The following GRHL1 variants were observed in gnomAD, a reference collection of about 807,000 sequenced individuals.
GRHL1 encodes the protein grainyhead like transcription factor 1, also known as grainyhead-like protein 1 homolog.
GRHL1 carries 38 observed loss-of-function variants against 75.7 expected under a neutral mutation model. That is an observed-to-expected ratio of 0.50 (90% confidence interval 0.39 to 0.66). GRHL1 has a LOEUF of 0.66. Ranked by LOEUF, GRHL1 falls within the 30% of genes least tolerant of loss-of-function variation. The pLI is 0.00. For synonymous variants in GRHL1, 266 were observed against 279.4 expected (o/e 0.95, Z 0.48); for missense variants, 589 against 767.5 (o/e 0.77, Z 2.75).
intron 14 of GRHL1, among the ~76,000 whole-genome samples, chr2:9,997,545 G>A (rs548768930): frequency 6.6e-6 from 1 of 152,218 alleles, no homozygotes; most frequent in East Asian, 1.9e-4. Flanking sequence ...AAACTGGCCA[G>A]GTGCGGTGGC....
chr2:9,960,910 G>T, intron 3 of GRHL1, 136 bp from the exon 4 acceptor site: 3 of 622,590 alleles, frequency 4.8e-6, no homozygotes, highest in Non-Finnish European at 8.3e-6. Context: ...TCTAGTAATG[G>T]GTAGTTTTGA....
In GRHL1 at chr2:9,968,908, C is replaced by CT. The variant is rs1667596136; in HGVS notation, c.1110+3527_1110+3528insT. On this transcript the variant is annotated intron_variant, in intron 8 of 15. Transcript: ENST00000324907. This position sits in a 1 kb window ranked among gnomAD's most constrained non-coding sequence, Gnocchi z 4.7. Reference sequence around the variant, plus strand: ...AGGTAGATAGTGGCATAAGTGTCCCCATTTGTGGGGACAGCCTGAGATCTT... The same window carrying CT: ...AGGTAGATAGTGGCATAAGTGTCCCCTATTTGTGGGGACAGCCTGAGATCTT... Among the ~76,000 whole-genome samples the CT allele has an allele frequency of 6.6e-6, 1 of 152,206 alleles. No homozygotes were observed. The highest frequency in any genetic ancestry group is 6.5e-5 in the Admixed American group (1 of 15,280).
chr2:9,971,843 C>T (rs187233638), intron 8 of GRHL1, among the ~76,000 whole-genome samples: 7 of 152,302 alleles, frequency 4.6e-5, no homozygotes, highest in East Asian at 1.9e-4. Flanking sequence ...TTTGCTTTGA[C>T]GAAGCTGCTG....
Position 9,961,266 on chromosome 2 carries a change from G to T in GRHL1, c.499G>T (p.Ala167Ser). ...IKTETQPHGF[A>S]VGIPPAVYHP... ...GACAGAAACCCAGCCACATGGCTTC[G>T]CTGTGGGAATCCCCCCAGCAGTGTA... Residue 167 changes from alanine to serine, a missense_variant, in exon 4 of 16, where the codon GCT (alanine) becomes TCT (serine). Physicochemically the swap from Ala to Ser is moderately conservative, Grantham distance 99. This residue lies in a region of GRHL1 where 362 missense variants were observed against 461.8 expected (regional missense o/e 0.78). Coordinates refer to ENST00000324907, the MANE Select transcript of GRHL1 (RefSeq NM_198182.3). 2 of 1,614,146 alleles carry T rather than the reference G, an allele frequency of 1.2e-6. No homozygotes were observed. The highest frequency in any genetic ancestry group is 1.7e-6 in the Non-Finnish European group (2 of 1,180,036).
chr2:9,974,824 T>C (rs1667881088), intron 8 of GRHL1, among the ~76,000 whole-genome samples: 1 of 152,194 alleles, frequency 6.6e-6, no homozygotes, highest in Non-Finnish European at 1.5e-5. Flanking sequence ...ATGTAAGCAC[T>C]GCAGAGGAAT....
chr2:9,973,004 T>C (rs1667797010), intron 8 of GRHL1, among the ~76,000 whole-genome samples: 1 of 152,182 alleles, frequency 6.6e-6, no homozygotes, highest in African/African-American at 2.4e-5. Flanking sequence ...GACTCGTCTT[T>C]GTTTTTCTTC....
chr2:9,955,326 T>A (rs1666967228), intron 2 of GRHL1, among the ~76,000 whole-genome samples: 1 of 152,244 alleles, frequency 6.6e-6, no homozygotes, highest in Non-Finnish European at 1.5e-5. Context: ...CTGCTGTGGC[T>A]CTATCCAGAA....
At chr2:9,965,064 G>A in intron 7 of GRHL1, 1 of 440,748 alleles carries the variant, frequency 2.3e-6, no homozygotes, top group Non-Finnish European at 4.0e-6. Context: ...TCCTAATTGT[G>A]ACATAATGAG....
At chr2:9,989,768 G>A (rs973611556) in intron 9 of GRHL1, among the ~76,000 whole-genome samples, 10 of 152,060 alleles carry the variant, frequency 6.6e-5, no homozygotes, top group Non-Finnish European at 1.5e-4. Context: ...CAGGCTGGTC[G>A]TGAACTCCTG....
intron 8 of GRHL1, among the ~76,000 whole-genome samples, chr2:9,977,407 G>A (rs894802048): frequency 6.6e-6 from 1 of 152,138 alleles, no homozygotes; most frequent in Non-Finnish European, 1.5e-5. Context: ...TGCAACCTCC[G>A]CCTCCGGGGA....
intron 5 of GRHL1, among the ~76,000 whole-genome samples, chr2:9,963,086 T>A (rs1340540493): frequency 6.6e-6 from 1 of 152,238 alleles, no homozygotes; most frequent in Non-Finnish European, 1.5e-5. Context: ...TTTACAGTTT[T>A]AAAAGTGTCT....
At position 10,000,814 on chromosome 2, in the gene GRHL1, A is replaced by G. The variant is rs1219401272; in HGVS notation, c.*107A>G. On this transcript the variant is annotated 3_prime_UTR_variant, in exon 16 of 16. Transcript: ENST00000324907. ...TCAGCCATGTCGCCAGCACAGGTCT[A>G]TGTCGAGGGAATGGGTTCCTTGCAG... 42 of 622,378 alleles carry G rather than the reference A, an allele frequency of 6.7e-5. No individual in the cohort carries two copies. The highest frequency in any genetic ancestry group is 6.0e-4 in the Admixed American group (22 of 36,804). 38.6% of individuals were successfully genotyped at this position (622,378 alleles called of 1,614,324 possible).
chr2:9,961,395 G>T lies in GRHL1; in HGVS notation c.628G>T (p.Asp210Tyr), dbSNP rs753310015. ...CCCAAATGCTCAAAGGCGAACTCCA[G>T]ACTCGACCTTCTCAGAGACCTTCAA... ...QAPNAQRRTP[D>Y]STFSETFKEG... The change falls in exon 4 of 16, where the codon GAC (aspartate) becomes TAC (tyrosine). Residue 210 changes from aspartate (D) to tyrosine (Y), a missense_variant. By Grantham distance (160) the Asp-to-Tyr change is radical (BLOSUM62 -3). Coordinates refer to ENST00000324907, the MANE Select transcript of GRHL1 (RefSeq NM_198182.3). 1.9e-6 allele frequency: 3 copies of T among 1,613,816 alleles called. No homozygotes were observed. The highest frequency in any genetic ancestry group is 8.5e-7 in the Non-Finnish European group (1 of 1,179,682).
intron 9 of GRHL1, among the ~76,000 whole-genome samples, chr2:9,988,083 C>T (rs148918761): frequency 2.6e-5 from 4 of 152,176 alleles, no homozygotes; most frequent in African/African-American, 9.6e-5. Context: ...ATGATGTTTA[C>T]TCTTTGTGTG....
In GRHL1 at chr2:9,992,005, A is replaced by C; in HGVS notation, c.1322-2A>C. The C allele has an allele frequency of 1.3e-6, 2 of 1,534,630 alleles. No individual in the cohort carries two copies. Among genetic ancestry groups the C allele is most frequent in the Admixed American group, 2.2e-5 (1 of 45,984 alleles). Reference sequence around the variant, plus strand: ...CTCTTTTTTAATTTTTTTTTTTTTCAGTTTCTGATGTTAAAGTGCCACTGC... The same window carrying C: ...CTCTTTTTTAATTTTTTTTTTTTTCCGTTTCTGATGTTAAAGTGCCACTGC... On this transcript the variant is annotated splice_acceptor_variant, in intron 10 of 15. Coordinates refer to ENST00000324907, the MANE Select transcript of GRHL1 (RefSeq NM_198182.3). LOFTEE classifies it high-confidence loss of function. The surrounding 1 kb of genome is among the most constrained non-coding windows in gnomAD (Gnocchi z 4.6).
rs1010788554 is a variant in GRHL1, at chr2:10,001,749, ATGCAC to A, written c.*1044_*1048del. ...CTTTTGTTATGCTAGTATCAGTCAG[ATGCAC>A]TTAGAGTGAAGAAACACTGTAATTA... On this transcript the variant is annotated 3_prime_UTR_variant, in exon 16 of 16. Transcript: ENST00000324907. 2 of 152,276 alleles carry A rather than the reference ATGCAC, an allele frequency of 1.3e-5. No individual in the cohort carries two copies. The highest frequency in any genetic ancestry group is 4.8e-5 in the African/African-American group (2 of 41,466). 9.4% of individuals were successfully genotyped at this position (152,276 alleles called of 1,614,324 possible). A position where few individuals can be genotyped will look rare whatever the true frequency, so the allele number is the denominator to read the frequency against.
At chr2:9,970,995 G>T (rs1667700842) in intron 8 of GRHL1, among the ~76,000 whole-genome samples, 1 of 152,154 alleles carries the variant, frequency 6.6e-6, no homozygotes, top group Admixed American at 6.5e-5. Flanking sequence ...GGAGTTCTTG[G>T]TGAGGGATTA....
intron 10 of GRHL1, among the ~76,000 whole-genome samples, 196 bp from the exon 11 acceptor site, chr2:9,991,811 G>A (rs1236789920): frequency 6.6e-6 from 1 of 152,174 alleles, no homozygotes; most frequent in Non-Finnish European, 1.5e-5. Context: ...ACATTCAGTT[G>A]ATTTTAGTGG....
rs7596288 is a variant in GRHL1, at chr2:9,987,646, C to T, written c.1269+1364C>T. On this transcript the variant is annotated intron_variant, in intron 9 of 15. Transcript: ENST00000324907. This position sits in a 1 kb window ranked among gnomAD's most constrained non-coding sequence, Gnocchi z 4.2. The stretch of plus-strand genomic sequence containing the variant: ...AGGGATCTCTGCATGACCTGTTTTC[C>T]CTGGTGTGGCTCTTTTTTTATCTGG... 0.24 allele frequency among the ~76,000 whole-genome samples: 36,083 copies of T among 151,760 alleles called. 4,518 individuals carry two copies. The highest frequency in any genetic ancestry group is 0.34 in the Admixed American group (5,130 of 15,278).
Sources: allele counts gnomAD v4.1 joint callset (sites outside exome capture counted in the v4.1 genomes callset), GRCh38; gene constraint gnomAD v4.1.1; regional missense constraint gnomAD v4.1.1; non-coding constraint Gnocchi (gnomAD v3.1); transcripts MANE v1.5; gene names NCBI Gene and HGNC (gene_info 2026-07-23, HGNC 2026-07-21).